The following NAV3 variants were observed in gnomAD, a reference collection of about 807,000 sequenced individuals.
NAV3 encodes the protein neuron navigator 3.
NAV3 carries 87 observed loss-of-function variants against 244.7 expected under a neutral mutation model. That is an observed-to-expected ratio of 0.36 (90% CI 0.30 to 0.42). The LOEUF (loss-of-function observed/expected upper bound fraction) is 0.42, where lower values mean the gene tolerates loss of function less well. Ranked by LOEUF, NAV3 falls within the 20% of genes least tolerant of loss-of-function variation. The probability of loss-of-function intolerance (pLI) is 1.00; values close to 1 mark genes in which losing one functional copy is unlikely to be tolerated. For missense variants in NAV3, 2,663 were observed against 2,893.3 expected, an observed-to-expected ratio of 0.92 and a Z score of 1.83; for synonymous variants, 1,126 against 1,042.2, an observed-to-expected ratio of 1.08 and a Z score of -1.55.
chr12:77,954,330 G>A (rs1891168921), intron 3 of NAV3, among the ~76,000 whole-genome samples: 1 of 152,114 alleles, frequency 6.6e-6, no homozygotes. Context: ...TGTGTAGTAA[G>A]CCTGAGTCAG....
At chr12:78,179,172 A>C (rs1213699577) in intron 28 of NAV3, among the ~76,000 whole-genome samples, 3 of 152,110 alleles carry the variant, frequency 2.0e-5, no homozygotes, top group African/African-American at 7.2e-5. Flanking sequence ...ACATGTTGCA[A>C]ATAGAGGTTT....
intron 23 of NAV3, 133 bp from the exon 24 acceptor site, chr12:78,168,622 A>G: frequency 1.7e-6 from 1 of 578,154 alleles, no homozygotes; most frequent in African/African-American, 1.9e-5. Flanking sequence ...CAGCTTGACA[A>G]GTTCAGCTAA....
At chr12:78,057,976 A>AT (rs1463803682) in intron 11 of NAV3, among the ~76,000 whole-genome samples, 3 of 152,226 alleles carry the variant, frequency 2.0e-5, no homozygotes, top group Admixed American at 6.5e-5. Flanking sequence ...TAGCTAGCAC[A>AT]TTTAATGTAA....
chr12:78,057,808 T>G (rs192839261), intron 11 of NAV3, among the ~76,000 whole-genome samples: 3 of 152,308 alleles, frequency 2.0e-5, no homozygotes, highest in Non-Finnish European at 4.4e-5. Flanking sequence ...ACCTAAGCAG[T>G]CTGGCTCTGG....
chr12:77,965,423 C>G (rs1052971807), intron 3 of NAV3, among the ~76,000 whole-genome samples: 1 of 152,036 alleles, frequency 6.6e-6, no homozygotes, highest in Non-Finnish European at 1.5e-5. Context: ...GGTTCGAGAC[C>G]AGTCTGGCCA....
chr12:77,682,402 G>A (rs537500716), intron 2 of NAV3, among the ~76,000 whole-genome samples: 2 of 152,212 alleles, frequency 1.3e-5, no homozygotes, highest in East Asian at 1.9e-4. Context: ...TTGTTTATAT[G>A]TTGATGGATA....
At chr12:77,985,691 C>A (rs563346017) in intron 5 of NAV3, among the ~76,000 whole-genome samples, 1 of 152,170 alleles carries the variant, frequency 6.6e-6, no homozygotes, top group African/African-American at 2.4e-5. Flanking sequence ...CGTAGAACAA[C>A]TCAAATTAGA....
chr12:78,124,352 A>C (rs1242854753), intron 16 of NAV3, among the ~76,000 whole-genome samples: 1 of 152,268 alleles, frequency 6.6e-6, no homozygotes, highest in Admixed American at 6.5e-5. Context: ...CTATGGAAAT[A>C]CACTAGAAAA....
chr12:77,773,674 A>G (rs1031876861), intron 2 of NAV3, among the ~76,000 whole-genome samples: 2 of 152,184 alleles, frequency 1.3e-5, no homozygotes, highest in African/African-American at 4.8e-5. Flanking sequence ...GCTATTGAGG[A>G]GTATGGGGAT....
At chr12:77,964,995 T>C (rs746583049) in intron 3 of NAV3, among the ~76,000 whole-genome samples, 1 of 152,158 alleles carries the variant, frequency 6.6e-6, no homozygotes, top group Non-Finnish European at 1.5e-5. Context: ...ATTTTGACCT[T>C]GCTATGAAGC....
chr12:78,080,709 T>C (rs1953300749), intron 12 of NAV3, among the ~76,000 whole-genome samples: 1 of 152,244 alleles, frequency 6.6e-6, no homozygotes, highest in Admixed American at 6.5e-5. Context: ...AGTGTTCAAA[T>C]TGACACTGGC....
chr12:77,598,990 G>A (rs1388922169), intron 2 of NAV3, among the ~76,000 whole-genome samples: 1 of 151,802 alleles, frequency 6.6e-6, no homozygotes, highest in Non-Finnish European at 1.5e-5. Flanking sequence ...ACATTGATTA[G>A]CAGCTCTCCA....
intron 7 of NAV3, among the ~76,000 whole-genome samples, chr12:78,002,663 C>T (rs548220924): frequency 6.6e-5 from 10 of 151,966 alleles, no homozygotes; most frequent in African/African-American, 1.9e-4. Flanking sequence ...CAAGCCAGTG[C>T]AAATGTGCTT....
chr12:77,905,134 T>C (rs1335576289), intron 1 of NAV3, among the ~76,000 whole-genome samples: 1 of 152,120 alleles, frequency 6.6e-6, no homozygotes, highest in Non-Finnish European at 1.5e-5. Flanking sequence ...ACAAAAATGG[T>C]AACAATGTCT....
At chr12:77,607,765 T>C (rs1315761384) in intron 2 of NAV3, among the ~76,000 whole-genome samples, 3 of 152,096 alleles carry the variant, frequency 2.0e-5, no homozygotes, top group Non-Finnish European at 4.4e-5. Context: ...CCTTGCAAAA[T>C]CATTTAACTG....
At chr12:77,785,424 G>A (rs1369960101) in intron 2 of NAV3, among the ~76,000 whole-genome samples, 1 of 152,098 alleles carries the variant, frequency 6.6e-6, no homozygotes, top group Non-Finnish European at 1.5e-5. Flanking sequence ...TTGTAAAAGA[G>A]CTTGGATGTT....
chr12:78,090,864 A>AT (rs1327317138), intron 12 of NAV3, among the ~76,000 whole-genome samples: 1 of 151,592 alleles, frequency 6.6e-6, no homozygotes, highest in African/African-American at 2.4e-5. Flanking sequence ...CATGGGATCT[A>AT]TTTTTTCACT....
At chr12:77,780,015 T>C (rs1160608502) in intron 2 of NAV3, among the ~76,000 whole-genome samples, 1 of 152,256 alleles carries the variant, frequency 6.6e-6, no homozygotes, top group Non-Finnish European at 1.5e-5. Flanking sequence ...TGCAGTGTTT[T>C]AGTTTTTTAT....
chr12:77,720,757 T>G (rs1876584814), intron 2 of NAV3, among the ~76,000 whole-genome samples: 1 of 152,130 alleles, frequency 6.6e-6, no homozygotes, highest in South Asian at 2.1e-4. Flanking sequence ...TTTGATGCAG[T>G]GGTTTCATGC....
Sources: gnomAD v4.1 joint callset for allele counts (sites outside exome capture counted in the v4.1 genomes callset) on GRCh38, gnomAD v4.1.1 for gene constraint, MANE v1.5 for transcripts, NCBI Gene and HGNC (gene_info 2026-07-23, HGNC 2026-07-21) for gene names.